Variants in PELO observed in about 807,000 individuals in gnomAD.
The protein encoded by PELO is protein pelota homolog.
A neutral mutation model predicts 25.9 loss-of-function variants in PELO; 19 were observed. That is an observed-to-expected ratio of 0.73 (90% CI 0.51 to 1.08). The LOEUF (loss-of-function observed/expected upper bound fraction) is 1.08, where lower values mean the gene tolerates loss of function less well. Among genes scored for constraint, PELO ranks in the 50% least tolerant of loss-of-function variants. PELO has a pLI of 0.00. For missense variants in PELO, 498 were observed against 491.4 expected (o/e 1.01, Z -0.13); for synonymous variants, 196 against 192.2 (o/e 1.02, Z -0.16).
chr5:52,801,715 A>G lies in PELO; in HGVS notation c.1033A>G (p.Ile345Val), dbSNP rs1748490895. 6.2e-7 allele frequency: 1 copy of G among 1,614,028 alleles called. No individual in the cohort carries two copies. Among genetic ancestry groups the G allele is most frequent in the East Asian group, 2.2e-5 (1 of 44,876 alleles). The stretch of plus-strand genomic sequence containing the variant: ...GAAAGAGAATGCAGGCACCGTTAGG[A>G]TATTCTCTAGTCTTCACGTTTCTGG... ...SVKENAGTVR[I>V]FSSLHVSGEQ... Residue 345 changes from isoleucine (I) to valine (V), a missense_variant, in exon 3 of 3, where the codon ATA becomes GTA. Physicochemically the swap from Ile to Val is conservative, Grantham distance 29. Transcript: ENST00000274311.
At chr5:52,793,111 C>G (rs1748273442) in intron 1 of PELO, among the ~76,000 whole-genome samples, 1 of 152,056 alleles carries the variant, frequency 6.6e-6, no homozygotes, top group African/African-American at 2.4e-5. Context: ...TTGGACCCTA[C>G]CTTAGGACAT....
At position 52,801,647 on chromosome 5, in the gene PELO, A is replaced by G; in HGVS notation, c.965A>G (p.Asp322Gly). 6.2e-7 allele frequency: 1 copy of G among 1,614,134 alleles called. No homozygotes were observed. Residue 322 changes from aspartate to glycine, a missense_variant, in exon 3 of 3, where the codon GAT becomes GGT. Asp to Gly is a moderately conservative substitution (Grantham distance 94). Coordinates refer to ENST00000274311, the MANE Select transcript of PELO (RefSeq NM_015946.5). ...AGCGATGAGCTCTTCAGGCATCAGG[A>G]TGTAGCCACACGGAGCCGGTATGTG... ...LISDELFRHQ[D>G]VATRSRYVRL...
chr5:52,803,715 G>T lies in PELO; in HGVS notation c.*1875G>T, dbSNP rs954593878. The T allele has an allele frequency of 2.6e-5, 4 of 152,146 alleles. No homozygotes were observed. In the East Asian group the frequency reaches 7.7e-4, roughly 29 times the overall value. The allele number at this position is 152,146 out of a possible 1,614,324, so 9.4% of individuals were successfully genotyped here. The stretch of plus-strand genomic sequence containing the variant: ...CTGATTCAGGCCTTGCTATTCAAAA[G>T]TATGGTCCGTAAACCAGCAGCATCC... On this transcript the variant is annotated 3_prime_UTR_variant, in exon 3 of 3. Coordinates refer to ENST00000274311, the MANE Select transcript of PELO (RefSeq NM_015946.5).
At chr5:52,794,288 TTA>T (rs77663445) in intron 1 of PELO, among the ~76,000 whole-genome samples, 1 of 151,654 alleles carries the variant, frequency 6.6e-6, no homozygotes, top group Non-Finnish European at 1.5e-5. Flanking sequence ...TTAAGATGGT[TTA>T]TATATTTTGT....
Position 52,788,452 on chromosome 5 carries a change from C to A in PELO, c.-511+38C>A, listed in dbSNP as rs376074432. The A allele has an allele frequency of 2.8e-5, 40 of 1,452,128 alleles. No homozygotes were observed. The African/African-American group carries it at 5.5e-4, about 20-fold the overall frequency. 90.0% of individuals were successfully genotyped at this position (1,452,128 alleles called of 1,614,324 possible). A position where few individuals can be genotyped will look rare whatever the true frequency, so the allele number is the denominator to read the frequency against. ...CTTTTCTCTGAGCATCTCCTGCTCG[C>A]GGGCTTGGGGCTTGGAGCGGGGAGG... On this transcript the variant is annotated intron_variant, in intron 1 of 2. Coordinates refer to ENST00000274311, the MANE Select transcript of PELO (RefSeq NM_015946.5).
At position 52,800,043 on chromosome 5, in the gene PELO, G is replaced by A. The variant is rs1170855461; in HGVS notation, c.-352G>A. The A allele has an allele frequency of 6.5e-6, 2 of 308,774 alleles. No homozygotes were observed. The highest frequency in any genetic ancestry group is 1.2e-5 in the Non-Finnish European group (2 of 162,544). 19.1% of individuals were successfully genotyped at this position (308,774 alleles called of 1,614,324 possible). On this transcript the variant is annotated 5_prime_UTR_variant, in exon 2 of 3. Coordinates refer to ENST00000274311, the MANE Select transcript of PELO (RefSeq NM_015946.5). ...CGAACTGCGGCCCCGCCTCTCCTTT[G>A]GGGACGGGAGACGTGCGTCGGGTCG...
In PELO at chr5:52,797,836, A is replaced by G. The variant is rs78754283; in HGVS notation, c.-510-2049A>G. ...ACCTTACAGGGGAGAATTAGAGCAT[A>G]GGAAAGAACTTGATAAACATTCAAT... On this transcript the variant is annotated intron_variant, in intron 1 of 2. Transcript: ENST00000274311. Among the ~76,000 whole-genome samples, 854 of 152,338 alleles carry G rather than the reference A, an allele frequency of 5.6e-3. 8 individuals are homozygous for G. Among genetic ancestry groups the G allele is most frequent in the African/African-American group, 0.02 (824 of 41,590 alleles).
intron 1 of PELO, among the ~76,000 whole-genome samples, chr5:52,796,672 C>T (rs985135201): frequency 2.6e-5 from 4 of 152,022 alleles, no homozygotes; most frequent in African/African-American, 9.7e-5. Context: ...TTACATTTGA[C>T]TCACCTAGCT....
At chr5:52,796,630 G>A (rs1029125056) in intron 1 of PELO, among the ~76,000 whole-genome samples, 6 of 152,020 alleles carry the variant, frequency 3.9e-5, no homozygotes, top group African/African-American at 1.4e-4. Context: ...GTCTTGAAAT[G>A]TCTGTAATAA....
Position 52,802,764 on chromosome 5 carries a change from A to G in PELO, c.*924A>G, listed in dbSNP as rs1028545919. On this transcript the variant is annotated 3_prime_UTR_variant, in exon 3 of 3. Transcript: ENST00000274311. ...ATGTGGCATTAATTTGGGTTTGCAC[A>G]TTTTTATTGGACTATTTTAGTTGTG... The G allele has an allele frequency of 2.6e-5, 4 of 152,086 alleles. No individual in the cohort carries two copies. The highest frequency in any genetic ancestry group is 4.4e-5 in the Non-Finnish European group (3 of 68,018). 9.4% of individuals were successfully genotyped at this position (152,086 alleles called of 1,614,324 possible).
chr5:52,790,446 A>G (rs1461185657), intron 1 of PELO, among the ~76,000 whole-genome samples: 2 of 152,238 alleles, frequency 1.3e-5, no homozygotes, highest in African/African-American at 4.8e-5. Flanking sequence ...GGTCAGAAGT[A>G]TCACTGGGCT....
In PELO at chr5:52,802,871, C is replaced by T. The variant is rs1748516589; in HGVS notation, c.*1031C>T. Reference sequence around the variant, plus strand: ...CTCCAATACTCTTTACTATCATTGACTTAAACTCTGATACTCTTTACTATA... The same window carrying T: ...CTCCAATACTCTTTACTATCATTGATTTAAACTCTGATACTCTTTACTATA... On this transcript the variant is annotated 3_prime_UTR_variant, in exon 3 of 3. Transcript: ENST00000274311. 1 of 152,176 alleles carries T rather than the reference C, an allele frequency of 6.6e-6. No homozygotes were observed. The highest frequency in any genetic ancestry group is 1.5e-5 in the Non-Finnish European group (1 of 68,030). The allele number at this position is 152,176 out of a possible 1,614,324, so 9.4% of individuals were successfully genotyped here.
rs1156483019 is a variant in PELO, at chr5:52,800,587, C to G, written c.193C>G (p.Leu65Val). ...GGGCAGCAACCGGGTCCGCACTACC[C>G]TCACTCTCTGCGTGGAGGCCATCGA... ...SVGSNRVRTT[L>V]TLCVEAIDFD... The change falls in exon 2 of 3, where the codon CTC (leucine) becomes GTC (valine). Residue 65 changes from leucine (L) to valine (V), a missense_variant. By Grantham distance (32) the Leu-to-Val change is conservative (BLOSUM62 1). Coordinates refer to ENST00000274311, the MANE Select transcript of PELO (RefSeq NM_015946.5). The G allele has an allele frequency of 6.2e-7, 1 of 1,613,664 alleles. No individual in the cohort carries two copies. Among genetic ancestry groups the G allele is most frequent in the Non-Finnish European group, 8.5e-7 (1 of 1,179,716 alleles).
Position 52,797,906 on chromosome 5 carries a change from T to C in PELO, c.-510-1979T>C, listed in dbSNP as rs561694792. On this transcript the variant is annotated intron_variant, in intron 1 of 2. Coordinates refer to ENST00000274311, the MANE Select transcript of PELO (RefSeq NM_015946.5). Reference sequence around the variant, plus strand: ...AAAACCTTTTGTTAAGATCCCACTGTGTGCTTACCACTGTGATTCTGTGGC... The same window carrying C: ...AAAACCTTTTGTTAAGATCCCACTGCGTGCTTACCACTGTGATTCTGTGGC... Among the ~76,000 whole-genome samples, 3 of 152,358 alleles carry C rather than the reference T, an allele frequency of 2.0e-5. No homozygotes were observed. In the South Asian group the frequency reaches 6.2e-4, roughly 32 times the overall value.
intron 1 of PELO, among the ~76,000 whole-genome samples, chr5:52,792,372 T>G (rs1024975483): frequency 1.3e-5 from 2 of 152,214 alleles, no homozygotes; most frequent in Non-Finnish European, 2.9e-5. Context: ...GAAAATTGTC[T>G]TACTCATTGT....
In PELO at chr5:52,800,769, C is replaced by G. The variant is rs139161716; in HGVS notation, c.375C>G (p.Ile125Met). 2 of 1,614,122 alleles carry G rather than the reference C, an allele frequency of 1.2e-6. No homozygotes were observed. Among genetic ancestry groups the G allele is most frequent in the Non-Finnish European group, 1.7e-6 (2 of 1,179,992 alleles). Residue 125 changes from isoleucine to methionine, a missense_variant, in exon 2 of 3, where the codon ATC becomes ATG. Transcript: ENST00000274311. ...GGGATAGTGTGGTACTGGAGCGCATCGAGCAGGCCTGTGACCCAGCCTGGA... is the reference window on the plus strand; with the variant it reads ...GGGATAGTGTGGTACTGGAGCGCATGGAGCAGGCCTGTGACCCAGCCTGGA... ...KQWDSVVLER[I>M]EQACDPAWSA... is the part of the protein sequence containing the mutation.
chr5:52,790,790 G>A (rs1748222439), intron 1 of PELO, among the ~76,000 whole-genome samples: 1 of 152,148 alleles, frequency 6.6e-6, no homozygotes, highest in African/African-American at 2.4e-5. Flanking sequence ...CAGGTTCCAG[G>A]CATTAGGTCA....
chr5:52,799,596 C>T (rs17209816), intron 1 of PELO, among the ~76,000 whole-genome samples: 2,221 of 152,312 alleles, frequency 0.015, 35 homozygotes, highest in Non-Finnish European at 0.021. Context: ...GGTAACTAGG[C>T]GCAGAAAACA....
intron 1 of PELO, among the ~76,000 whole-genome samples, chr5:52,794,668 AAAAC>A (rs1326009178): frequency 6.6e-6 from 1 of 151,600 alleles, no homozygotes; most frequent in African/African-American, 2.4e-5. Flanking sequence ...AAAAACAAAT[AAAAC>A]AAACAAAAAA....
Sources: gnomAD v4.1 joint callset for allele counts (sites outside exome capture counted in the v4.1 genomes callset) on GRCh38, gnomAD v4.1.1 for gene constraint, MANE v1.5 for transcripts, NCBI Gene and HGNC (gene_info 2026-07-23, HGNC 2026-07-21) for gene names.